The following NTRK2 variants were observed in gnomAD, a reference collection of about 807,000 sequenced individuals.
NTRK2 encodes BDNF/NT-3 growth factors receptor.
In NTRK2, 13 loss-of-function variants were observed where a neutral mutation model predicts 94.5. The observed-to-expected ratio is 0.14, with a 90% CI of 0.09 to 0.22. The LOEUF is 0.22. Ranked by LOEUF, NTRK2 falls within the 10% of genes least tolerant of loss-of-function variation. The pLI, the probability that NTRK2 is intolerant of heterozygous loss-of-function variation, is 1.00. For missense variants in NTRK2, 639 were observed against 1,071.2 expected, an observed-to-expected ratio of 0.60 and a Z score of 5.63; for synonymous variants, 372 against 407.4, an observed-to-expected ratio of 0.91 and a Z score of 1.05.
rs187623018 is a variant in NTRK2, at chr9:84,672,198, G to C, written c.212+1238G>C. On this transcript the variant is annotated intron_variant, in intron 2 of 18. Transcript: ENST00000277120. Reference sequence around the variant, plus strand: ...TAAGTAAGAGACCTTCCTAGTCTCTGTTGCCTGTTCTGCTGCTGATGCTTA... The same window carrying C: ...TAAGTAAGAGACCTTCCTAGTCTCTCTTGCCTGTTCTGCTGCTGATGCTTA... Among the ~76,000 whole-genome samples the C allele has an allele frequency of 1.1e-4, 17 of 152,306 alleles. No individual in the cohort carries two copies. The East Asian group carries it at 3.3e-3, about 29-fold the overall frequency.
intron 12 of NTRK2, among the ~76,000 whole-genome samples, chr9:84,805,325 T>C (rs1229032897): frequency 3.9e-5 from 6 of 152,226 alleles, no homozygotes; most frequent in African/African-American, 1.4e-4. Flanking sequence ...AGCTAATAAA[T>C]GGACCACGTT....
At chr9:84,692,479 T>C (rs1372326819) in intron 2 of NTRK2, among the ~76,000 whole-genome samples, 1 of 143,716 alleles carries the variant, frequency 7.0e-6, no homozygotes, top group Non-Finnish European at 1.5e-5. Context: ...TTTTTTTTTT[T>C]TTTTTTTTTG....
chr9:84,747,928 A>G (rs1209763350), intron 11 of NTRK2, among the ~76,000 whole-genome samples: 1 of 152,186 alleles, frequency 6.6e-6, no homozygotes, highest in Non-Finnish European at 1.5e-5. Flanking sequence ...GAGGTGCAAT[A>G]TTGTGTTTTG....
At chr9:84,987,318 A>G (rs1011107922) in intron 17 of NTRK2, among the ~76,000 whole-genome samples, 1 of 152,218 alleles carries the variant, frequency 6.6e-6, no homozygotes, top group African/African-American at 2.4e-5. Flanking sequence ...AGATTTTGAT[A>G]TAGTTTTATA....
Position 85,023,757 on chromosome 9 carries a change from T to G in NTRK2, c.*2320T>G. On this transcript the variant is annotated 3_prime_UTR_variant, in exon 19 of 19. Transcript: ENST00000277120. ...GTGACGCAGTAAGGAAGGGGCAGATTTGTACAAAAACTTTTCTAGATTCCA... is the reference window on the plus strand; with the variant it reads ...GTGACGCAGTAAGGAAGGGGCAGATGTGTACAAAAACTTTTCTAGATTCCA... The G allele has an allele frequency of 4.3e-6, 1 of 231,138 alleles. No individual in the cohort carries two copies. Among genetic ancestry groups the G allele is most frequent in the South Asian group, 1.8e-4 (1 of 5,486 alleles). The allele number at this position is 231,138 out of a possible 1,614,324, so 14.3% of individuals were successfully genotyped here.
At chr9:84,982,785 G>A (rs1303085669) in intron 17 of NTRK2, among the ~76,000 whole-genome samples, 1 of 152,154 alleles carries the variant, frequency 6.6e-6, no homozygotes, top group African/African-American at 2.4e-5. Context: ...AGATAAATGT[G>A]TATGCTTTGA....
intron 17 of NTRK2, among the ~76,000 whole-genome samples, chr9:84,966,887 C>G (rs895865447): frequency 2.0e-5 from 3 of 152,196 alleles, no homozygotes; most frequent in African/African-American, 7.2e-5. Context: ...GAAAAATTCT[C>G]TCAACCATGA....
intron 12 of NTRK2, among the ~76,000 whole-genome samples, chr9:84,779,074 G>A (rs994209326): frequency 1.2e-4 from 18 of 152,232 alleles, no homozygotes; most frequent in African/African-American, 4.1e-4. Context: ...TTGATTAGAA[G>A]GCTTCAATTA....
At position 84,923,908 on chromosome 9, in the gene NTRK2, A is replaced by T. The variant is rs565000117; in HGVS notation, c.1634-10254A>T. 6.2e-4 allele frequency among the ~76,000 whole-genome samples: 94 copies of T among 152,054 alleles called. 3 individuals carry two copies. In the East Asian group the frequency reaches 0.016, roughly 26 times the overall value. The stretch of plus-strand genomic sequence containing the variant: ...GAGTGAGTGAGACTCCATCTCAAAA[A>T]AAAAAACAACAAAAACAAACAAACA... On this transcript the variant is annotated intron_variant, in intron 14 of 18. Coordinates refer to ENST00000277120, the MANE Select transcript of NTRK2 (RefSeq NM_006180.6).
intron 9 of NTRK2, among the ~76,000 whole-genome samples, chr9:84,735,400 G>A (rs530954805): frequency 1.2e-4 from 19 of 152,266 alleles, no homozygotes; most frequent in African/African-American, 3.9e-4. Context: ...CAAGCTCCCC[G>A]ATGATGCCAG....
At chr9:84,812,681 A>G (rs920091667) in intron 12 of NTRK2, 3 of 1,043,342 alleles carry the variant, frequency 2.9e-6, no homozygotes, top group South Asian at 9.2e-5. Context: ...AAAGATTTTT[A>G]AAGCTTTTAT....
At chr9:84,699,740 T>A (rs1207243369) in intron 2 of NTRK2, among the ~76,000 whole-genome samples, 1 of 151,990 alleles carries the variant, frequency 6.6e-6, no homozygotes, top group Admixed American at 6.5e-5. Context: ...TATTTTTAAT[T>A]TATTTTTATT....
intron 16 of NTRK2, among the ~76,000 whole-genome samples, chr9:84,949,886 A>T (rs748653789): frequency 6.6e-6 from 1 of 152,224 alleles, no homozygotes; most frequent in Non-Finnish European, 1.5e-5. Context: ...AGTGACTGTG[A>T]TCTGGGAAGA....
At chr9:84,851,132 C>T (rs1303984404) in intron 12 of NTRK2, among the ~76,000 whole-genome samples, 7 of 152,132 alleles carry the variant, frequency 4.6e-5, no homozygotes, top group Non-Finnish European at 7.4e-5. Context: ...TCTCCACCCA[C>T]CCCACCATTG....
chr9:84,734,987 G>A (rs1348414336), intron 9 of NTRK2, among the ~76,000 whole-genome samples: 1 of 152,032 alleles, frequency 6.6e-6, no homozygotes, highest in Non-Finnish European at 1.5e-5. Flanking sequence ...CTAGAAATGT[G>A]CTGTTGGGGA....
At chr9:84,738,457 G>A (rs2063405551) in intron 9 of NTRK2, among the ~76,000 whole-genome samples, 1 of 152,216 alleles carries the variant, frequency 6.6e-6, no homozygotes, top group African/African-American at 2.4e-5. Context: ...CTTAAAAATG[G>A]CAAGACATTT....
chr9:84,954,735 C>T (rs996152807), intron 16 of NTRK2, among the ~76,000 whole-genome samples: 3 of 152,150 alleles, frequency 2.0e-5, no homozygotes, highest in African/African-American at 4.8e-5. Context: ...TATGGAAGGC[C>T]GCAGGCTGCC....
chr9:84,829,151 A>G (rs1316444431), intron 12 of NTRK2, among the ~76,000 whole-genome samples: 1 of 151,998 alleles, frequency 6.6e-6, no homozygotes, highest in Non-Finnish European at 1.5e-5. Context: ...GGCGGGTGCC[A>G]CCACACCTGG....
intron 15 of NTRK2, among the ~76,000 whole-genome samples, chr9:84,941,610 A>G (rs1564485535): frequency 6.6e-6 from 1 of 152,192 alleles, no homozygotes. Flanking sequence ...ATTCCCAGTC[A>G]AACAATGGTC....
Sources: gnomAD v4.1 joint callset for allele counts (sites outside exome capture counted in the v4.1 genomes callset) on GRCh38, gnomAD v4.1.1 for gene constraint, MANE v1.5 for transcripts, NCBI Gene and HGNC (gene_info 2026-07-23, HGNC 2026-07-21) for gene names.